Variants in RPS6KA2 observed in about 807,000 individuals in gnomAD.
RPS6KA2 encodes ribosomal protein S6 kinase A2, also known as ribosomal protein S6 kinase alpha-2.
In RPS6KA2, 42 loss-of-function variants were observed where a neutral mutation model predicts 91.8. The ratio of observed to expected loss-of-function variants is 0.46; its 90% CI spans 0.36 to 0.59. The LOEUF (loss-of-function observed/expected upper bound fraction) is 0.59, where lower values mean the gene tolerates loss of function less well. RPS6KA2 is among the 20% of genes least tolerant of loss of function. The pLI is 0.00. For missense variants in RPS6KA2, 798 were observed against 978.5 expected, an observed-to-expected ratio of 0.82 and a Z score of 2.46; for synonymous variants, 414 against 393.6, an observed-to-expected ratio of 1.05 and a Z score of -0.61.
chr6:166,496,671 G>A (rs1279960543), intron 8 of RPS6KA2, among the ~76,000 whole-genome samples: 1 of 152,202 alleles, frequency 6.6e-6, no homozygotes, highest in Non-Finnish European at 1.5e-5. Flanking sequence ...CACAAAGGCT[G>A]GCCCGCAGTA....
At chr6:166,728,790 G>A (rs2128587958) in intron 2 of RPS6KA2, among the ~76,000 whole-genome samples, 1 of 152,314 alleles carries the variant, frequency 6.6e-6, no homozygotes, top group South Asian at 2.1e-4. Flanking sequence ...GCTGGGCATG[G>A]GGACTGCCTG....
intron 2 of RPS6KA2, among the ~76,000 whole-genome samples, chr6:166,650,844 T>G (rs576361262): frequency 8.7e-4 from 132 of 152,328 alleles, no homozygotes; most frequent in Non-Finnish European, 1.5e-3. Flanking sequence ...AGGTCTCGTT[T>G]GGGCAGGTGA....
intron 10 of RPS6KA2, among the ~76,000 whole-genome samples, chr6:166,485,887 CAG>C (rs1781391104): frequency 6.6e-6 from 1 of 152,194 alleles, no homozygotes; most frequent in South Asian, 2.1e-4. Context: ...ACCCCACCCT[CAG>C]GGGGTGAGGT....
At chr6:166,529,380 T>A (rs1484376146) in intron 3 of RPS6KA2, among the ~76,000 whole-genome samples, 1 of 151,964 alleles carries the variant, frequency 6.6e-6, no homozygotes, top group Non-Finnish European at 1.5e-5. Context: ...ACGAGAACCC[T>A]TGGACACAGG....
intron 1 of RPS6KA2, among the ~76,000 whole-genome samples, chr6:166,591,006 A>G (rs985633755): frequency 2.0e-5 from 3 of 152,244 alleles, no homozygotes; most frequent in African/African-American, 7.2e-5. Flanking sequence ...TACAAGCATC[A>G]CAAAAGCAGA....
At chr6:166,855,335 C>T (rs980780953) in intron 2 of RPS6KA2, among the ~76,000 whole-genome samples, 4 of 52,878 alleles carry the variant, frequency 7.6e-5, no homozygotes, top group African/African-American at 1.2e-4. Context: ...TATTAAAAGA[C>T]GAAGAAGACG....
At chr6:166,742,413 G>A (rs957222927) in intron 2 of RPS6KA2, among the ~76,000 whole-genome samples, 1 of 152,138 alleles carries the variant, frequency 6.6e-6, no homozygotes, top group African/African-American at 2.4e-5. Context: ...TGTGTCATAA[G>A]AGAGACACAG....
Position 166,498,497 on chromosome 6 carries a change from G to A in RPS6KA2, c.747+11C>T. 2 of 1,604,264 alleles carry A rather than the reference G, an allele frequency of 1.2e-6. No homozygotes were observed. Among genetic ancestry groups the A allele is most frequent in the Non-Finnish European group, 1.7e-6 (2 of 1,176,840 alleles). On this transcript the variant is annotated intron_variant, in intron 8 of 20. Transcript: ENST00000265678. ...CCGCCATGGCACAGAAGAGGGTCGG[G>A]GCAGGCTCACCATGAGCACGCCGAA...
intron 3 of RPS6KA2, among the ~76,000 whole-genome samples, chr6:166,516,950 G>A (rs768524813): frequency 1.8e-4 from 27 of 152,182 alleles, no homozygotes; most frequent in Non-Finnish European, 3.2e-4. Flanking sequence ...TAGGACTGAT[G>A]TTATTGAATT....
intron 1 of RPS6KA2, among the ~76,000 whole-genome samples, chr6:166,565,514 C>T (rs183473209): frequency 3.3e-5 from 5 of 152,346 alleles, no homozygotes; most frequent in South Asian, 2.1e-4. Flanking sequence ...GTGCCATCCA[C>T]GCTAGGGAAC....
chr6:166,517,477 T>TTTTTG (rs1782695370), intron 3 of RPS6KA2, among the ~76,000 whole-genome samples: 1 of 137,244 alleles, frequency 7.3e-6, no homozygotes, highest in African/African-American at 2.8e-5. Context: ...TTTTTTTTTT[T>TTTTTG]TTTTTTTTTG....
chr6:166,436,156 C>G (rs1426874123), intron 14 of RPS6KA2, among the ~76,000 whole-genome samples: 1 of 152,312 alleles, frequency 6.6e-6, no homozygotes, highest in East Asian at 1.9e-4. Flanking sequence ...TACCCTGACA[C>G]CGCCAGGCAA....
intron 1 of RPS6KA2, among the ~76,000 whole-genome samples, chr6:166,553,889 C>T (rs751316238): frequency 3.3e-5 from 5 of 152,180 alleles, no homozygotes; most frequent in Admixed American, 6.5e-5. Flanking sequence ...AAATCCCCAC[C>T]GAGATTTGCA....
In RPS6KA2 at chr6:166,510,274, T is replaced by TA. The variant is rs1782415269; in HGVS notation, c.379+2dup. On this transcript the variant is annotated splice_region_variant and intron_variant, in intron 4 of 20. Transcript: ENST00000265678. ...TTTAAAGTGTCATTTTGACTCTACT[T>TA]ACCATAATGAAGCTTCACAATGAAG... 1.9e-6 allele frequency: 3 copies of TA among 1,582,406 alleles called. No homozygotes were observed. The highest frequency in any genetic ancestry group is 2.6e-6 in the Non-Finnish European group (3 of 1,154,418).
At chr6:166,550,747 A>G (rs921786448) in intron 1 of RPS6KA2, among the ~76,000 whole-genome samples, 6 of 152,128 alleles carry the variant, frequency 3.9e-5, no homozygotes, top group Non-Finnish European at 7.4e-5. Flanking sequence ...TCACGCCTGT[A>G]ATCCCAGCAC....
chr6:166,853,485 C>A (rs1037536593), intron 2 of RPS6KA2, among the ~76,000 whole-genome samples: 4 of 152,246 alleles, frequency 2.6e-5, no homozygotes, highest in Admixed American at 2.0e-4. Flanking sequence ...GGTGGGGCCT[C>A]TCCTGGCCCA....
chr6:166,624,303 C>T (rs925925584), intron 1 of RPS6KA2, among the ~76,000 whole-genome samples: 21 of 152,276 alleles, frequency 1.4e-4, no homozygotes, highest in African/African-American at 5.1e-4. Context: ...TAAAATGTTT[C>T]CTATTATAAA....
intron 10 of RPS6KA2, among the ~76,000 whole-genome samples, chr6:166,483,985 A>C (rs960987912): frequency 1.3e-5 from 2 of 152,274 alleles, no homozygotes; most frequent in Admixed American, 1.3e-4. Context: ...ATTCTGGGTA[A>C]GCGCACAGAA....
intron 2 of RPS6KA2, among the ~76,000 whole-genome samples, chr6:166,673,843 G>T (rs147426383): frequency 1.3e-5 from 2 of 152,228 alleles, no homozygotes; most frequent in African/African-American, 4.8e-5. Flanking sequence ...ACATGCCAAA[G>T]CATCCAAAAT....
Sources: allele counts gnomAD v4.1 joint callset (sites outside exome capture counted in the v4.1 genomes callset), GRCh38; gene constraint gnomAD v4.1.1; transcripts MANE v1.5; gene names NCBI Gene and HGNC (gene_info 2026-07-23, HGNC 2026-07-21).